The following FOXJ3 variants were observed in gnomAD, a reference collection of about 807,000 sequenced individuals.
FOXJ3 encodes the protein forkhead box protein J3.
Under a neutral mutation model 76.1 loss-of-function variants are expected in FOXJ3, and 22 were observed. That is an observed-to-expected ratio of 0.29 (90% confidence interval 0.21 to 0.41). FOXJ3 has a LOEUF of 0.41. Among genes scored for constraint, FOXJ3 ranks in the 10% least tolerant of loss-of-function variants. The probability of loss-of-function intolerance (pLI) is 1.00; values close to 1 mark genes in which losing one functional copy is unlikely to be tolerated. For missense variants in FOXJ3, 613 were observed against 762.1 expected, an observed-to-expected ratio of 0.80 and a Z score of 2.30; for synonymous variants, 269 against 261.2, an observed-to-expected ratio of 1.03 and a Z score of -0.29.
intron 1 of FOXJ3, among the ~76,000 whole-genome samples, chr1:42,326,663 AC>A (rs1655847152): frequency 6.6e-6 from 1 of 152,376 alleles, no homozygotes; most frequent in South Asian, 2.1e-4. Context: ...TTCTACGAAG[AC>A]AAAGAATGCA....
intron 4 of FOXJ3, among the ~76,000 whole-genome samples, chr1:42,244,252 A>C (rs1382945739): frequency 6.6e-6 from 1 of 152,236 alleles, no homozygotes; most frequent in East Asian, 1.9e-4. Context: ...ACATCTAACA[A>C]TGCACTTCAA....
At chr1:42,303,985 T>C (rs1570208735) in intron 2 of FOXJ3, among the ~76,000 whole-genome samples, 1 of 152,168 alleles carries the variant, frequency 6.6e-6, no homozygotes, top group South Asian at 2.1e-4. Context: ...GTCCAAATTA[T>C]CCTTGTTTAC....
chr1:42,328,591 C>A (rs550232041), intron 1 of FOXJ3, among the ~76,000 whole-genome samples: 40 of 151,782 alleles, frequency 2.6e-4, no homozygotes, highest in African/African-American at 8.2e-4. Flanking sequence ...TTATTAGAAA[C>A]GAGGCCTTTA....
intron 2 of FOXJ3, among the ~76,000 whole-genome samples, chr1:42,278,990 A>C (rs1652496569): frequency 6.6e-6 from 1 of 152,202 alleles, no homozygotes; most frequent in African/African-American, 2.4e-5. Context: ...GGGCAACAGG[A>C]TCTTGGTAAG....
chr1:42,311,675 A>AGTAGTAGTAGTAGTAGTG (rs1553169336), intron 1 of FOXJ3, among the ~76,000 whole-genome samples: 64 of 152,174 alleles, frequency 4.2e-4, no homozygotes, highest in African/African-American at 1.4e-3. Context: ...TAGTAGTAGT[A>AGTAGTAGTAGTAGTAGTG]GTAAAGAGAA....
At chr1:42,296,793 T>C (rs1653818081) in intron 2 of FOXJ3, among the ~76,000 whole-genome samples, 1 of 152,262 alleles carries the variant, frequency 6.6e-6, no homozygotes, top group African/African-American at 2.4e-5. Context: ...TGAGTGCTTT[T>C]TTGATTCCAT....
chr1:42,202,707 A>G (rs1646786482), intron 6 of FOXJ3, among the ~76,000 whole-genome samples: 1 of 152,126 alleles, frequency 6.6e-6, no homozygotes, highest in Admixed American at 6.5e-5. Flanking sequence ...CAGTATCTTC[A>G]TATTTTTAGT....
intron 4 of FOXJ3, among the ~76,000 whole-genome samples, chr1:42,235,586 A>G: frequency 6.7e-6 from 1 of 149,980 alleles, no homozygotes; most frequent in South Asian, 2.1e-4. Context: ...TTTTTGAGAC[A>G]GAATCTCACT....
chr1:42,192,774 A>AC (rs56191327), intron 8 of FOXJ3, among the ~76,000 whole-genome samples: 3 of 151,894 alleles, frequency 2.0e-5, no homozygotes, highest in Admixed American at 6.6e-5. Context: ...AAAAAAAAAA[A>AC]CACAAGATAA....
intron 5 of FOXJ3, among the ~76,000 whole-genome samples, chr1:42,226,514 C>T (rs189342881): frequency 2.0e-5 from 3 of 152,132 alleles, no homozygotes. Flanking sequence ...GAGGCTGAGT[C>T]AGGAGAATGG....
At chr1:42,184,321 G>A (rs1646390260) in intron 11 of FOXJ3, among the ~76,000 whole-genome samples, 1 of 152,016 alleles carries the variant, frequency 6.6e-6, no homozygotes, top group Non-Finnish European at 1.5e-5. Flanking sequence ...TCTCTTTTAT[G>A]GCTTCGTAAT....
At chr1:42,235,200 G>A (rs1228841684) in intron 4 of FOXJ3, among the ~76,000 whole-genome samples, 1 of 152,238 alleles carries the variant, frequency 6.6e-6, no homozygotes, top group Non-Finnish European at 1.5e-5. Context: ...GACCCTCCGA[G>A]CCAGGCACGG....
chr1:42,311,254 A>C (rs1266524925), intron 1 of FOXJ3, 144 bp from the exon 2 acceptor site: 1 of 589,352 alleles, frequency 1.7e-6, no homozygotes, highest in African/African-American at 1.9e-5. Context: ...ACCCCATCAG[A>C]ACACAAACTT....
intron 7 of FOXJ3, among the ~76,000 whole-genome samples, chr1:42,195,725 A>G (rs539366634): frequency 6.6e-6 from 1 of 152,390 alleles, no homozygotes; most frequent in Admixed American, 6.5e-5. Context: ...AACATTGACT[A>G]GAAACTTACG....
intron 1 of FOXJ3, among the ~76,000 whole-genome samples, chr1:42,332,645 C>T (rs986174527): frequency 1.3e-5 from 2 of 152,100 alleles, no homozygotes; most frequent in Admixed American, 6.6e-5. Flanking sequence ...CATTGTGGTA[C>T]CCTATCAAAC....
chr1:42,257,006 A>C (rs946804508), intron 4 of FOXJ3, among the ~76,000 whole-genome samples: 21 of 152,330 alleles, frequency 1.4e-4, no homozygotes, highest in Admixed American at 3.9e-4. Flanking sequence ...GAACTTACGG[A>C]AAAAAATCTA....
chr1:42,231,138 C>T (rs1055586167), intron 4 of FOXJ3, among the ~76,000 whole-genome samples: 1 of 141,694 alleles, frequency 7.1e-6, no homozygotes, highest in African/African-American at 2.6e-5. Flanking sequence ...CACAGTGAAA[C>T]CCCCGTCTCT....
At chr1:42,279,954 C>T (rs116474334) in intron 2 of FOXJ3, among the ~76,000 whole-genome samples, 5,569 of 151,904 alleles carry the variant, frequency 0.037, 125 homozygotes, top group Middle Eastern at 0.092. Context: ...AACAACTTGG[C>T]GGCAACAGAG....
chr1:42,324,111 C>CACAGTGTATATATACAGTATATAT (rs1557725951), intron 1 of FOXJ3, among the ~76,000 whole-genome samples: 2,917 of 27,492 alleles, frequency 0.11, 663 homozygotes, highest in Middle Eastern at 0.15. Context: ...TGTGTATATA[C>CACAGTGTATATATACAGTATATAT]ACTGTATATA....
Sources: gnomAD v4.1 joint callset for allele counts (sites outside exome capture counted in the v4.1 genomes callset) on GRCh38, gnomAD v4.1.1 for gene constraint, MANE v1.5 for transcripts, NCBI Gene and HGNC (gene_info 2026-07-23, HGNC 2026-07-21) for gene names.